Variants in RAB28 observed in about 807,000 individuals in gnomAD.
The protein encoded by RAB28 is ras-related protein Rab-28.
A neutral mutation model predicts 31.7 loss-of-function variants in RAB28; 24 were observed. The ratio of observed to expected loss-of-function variants is 0.76; its 90% CI spans 0.55 to 1.06. RAB28 has a LOEUF of 1.06. RAB28 is among the 50% of genes least tolerant of loss of function. The pLI is 0.00. For missense variants in RAB28, 254 were observed against 258.5 expected, an observed-to-expected ratio of 0.98 and a Z score of 0.12; for synonymous variants, 100 against 90.4, an observed-to-expected ratio of 1.11 and a Z score of -0.60.
In RAB28 at chr4:13,482,679, A is replaced by G. The variant is rs117985845; in HGVS notation, c.75+1397T>C. Among the ~76,000 whole-genome samples the G allele has an allele frequency of 1.9e-3, 289 of 152,348 alleles. 6 individuals are homozygous for G. In the East Asian group the frequency reaches 0.041, roughly 22 times the overall value. On this transcript the variant is annotated intron_variant, in intron 1 of 6. Coordinates refer to ENST00000330852, the MANE Select transcript of RAB28 (RefSeq NM_001017979.3). ...TTAATATACTTTATAAAGAAAAGTT[A>G]CCCCAAGTTCCTTTCTTCCCCCAAC...
Position 13,393,676 on chromosome 4 carries a change from G to A in RAB28, c.392-12082C>T, listed in dbSNP as rs190963758. On this transcript the variant is annotated intron_variant, in intron 4 of 6. Coordinates refer to ENST00000330852, the MANE Select transcript of RAB28 (RefSeq NM_001017979.3). ...GTTTTCTGATTATGACATTTTCTTC[G>A]GTTTACCCATCTTGTATGCATAATT... 1.8e-3 allele frequency among the ~76,000 whole-genome samples: 278 copies of A among 150,816 alleles called. 2 individuals carry two copies. The highest frequency in any genetic ancestry group is 2.2e-3 in the Non-Finnish European group (148 of 67,762).
At chr4:13,396,022 A>C (rs2079432599) in intron 4 of RAB28, among the ~76,000 whole-genome samples, 1 of 152,072 alleles carries the variant, frequency 6.6e-6, no homozygotes, top group Non-Finnish European at 1.5e-5. Flanking sequence ...GATGGAAAAA[A>C]AAATTAAAAT....
rs540997644 is a variant in RAB28 at position 13,379,113 on chromosome 4, G to A, written c.495+2378C>T. ...TCCCAGCTATTCGGGAGGCTGAGGC[G>A]GAGAATTGCTTTAACCCAGGAGGCG... On this transcript the variant is annotated intron_variant, in intron 5 of 6. Coordinates refer to ENST00000330852, the MANE Select transcript of RAB28 (RefSeq NM_001017979.3). Among the ~76,000 whole-genome samples the A allele has an allele frequency of 5.3e-5, 8 of 151,088 alleles. No individual in the cohort carries two copies. The East Asian group carries it at 7.8e-4, about 15-fold the overall frequency.
chr4:13,380,676 T>TA (rs971183854), intron 5 of RAB28, among the ~76,000 whole-genome samples: 18 of 152,198 alleles, frequency 1.2e-4, no homozygotes, highest in African/African-American at 4.3e-4. Flanking sequence ...ACAATGCTGG[T>TA]GATAGCATGA....
chr4:13,389,461 C>T (rs536821795), intron 4 of RAB28, among the ~76,000 whole-genome samples: 2 of 152,074 alleles, frequency 1.3e-5, no homozygotes, highest in South Asian at 4.1e-4. Flanking sequence ...GTTTTTTAAC[C>T]ACCATTTGAA....
intron 4 of RAB28, among the ~76,000 whole-genome samples, chr4:13,435,203 C>T (rs1038980616): frequency 3.3e-5 from 5 of 151,004 alleles, no homozygotes; most frequent in African/African-American, 1.2e-4. Context: ...ATAATATACC[C>T]AAACCTCTGG....
intron 4 of RAB28, among the ~76,000 whole-genome samples, chr4:13,384,507 G>A (rs551766470): frequency 1.3e-5 from 2 of 152,342 alleles, no homozygotes; most frequent in East Asian, 3.9e-4. Flanking sequence ...GGTCCCACCA[G>A]CACAGTGGGT....
intron 4 of RAB28, among the ~76,000 whole-genome samples, chr4:13,450,923 A>G (rs1714938102): frequency 6.6e-6 from 1 of 151,928 alleles, no homozygotes. Flanking sequence ...AAGCATGTGG[A>G]AGATGAAGTC....
chr4:13,378,708 C>G (rs1299484179), intron 5 of RAB28, among the ~76,000 whole-genome samples: 3 of 151,942 alleles, frequency 2.0e-5, no homozygotes, highest in African/African-American at 4.8e-5. Context: ...GAAGTTGGCC[C>G]TAGCTAGAAT....
At chr4:13,389,604 T>C (rs1729537777) in intron 4 of RAB28, among the ~76,000 whole-genome samples, 1 of 152,150 alleles carries the variant, frequency 6.6e-6, no homozygotes, top group Non-Finnish European at 1.5e-5. Context: ...CCTCAACAAT[T>C]GTCAAGTCAT....
intron 4 of RAB28, among the ~76,000 whole-genome samples, chr4:13,423,026 T>C (rs1168557740): frequency 6.6e-6 from 1 of 152,188 alleles, no homozygotes; most frequent in African/African-American, 2.4e-5. Flanking sequence ...AGGAAGTATT[T>C]AAAGTATAGT....
At chr4:13,484,009 G>A in intron 1 of RAB28, 67 bp downstream of exon 1, 3 of 1,437,046 alleles carry the variant, frequency 2.1e-6, no homozygotes, top group South Asian at 1.2e-5. Context: ...GCCGGGCGGC[G>A]GGGAGGAGGC....
intron 4 of RAB28, among the ~76,000 whole-genome samples, chr4:13,384,058 C>T (rs1021780248): frequency 1.3e-5 from 2 of 152,186 alleles, no homozygotes; most frequent in Non-Finnish European, 2.9e-5. Flanking sequence ...GCCTCCCTCG[C>T]CCCAGTGAAC....
chr4:13,393,648 T>C (rs1308022140), intron 4 of RAB28, among the ~76,000 whole-genome samples: 3 of 152,012 alleles, frequency 2.0e-5, no homozygotes, highest in Admixed American at 6.6e-5. Context: ...TACCCTCCTA[T>C]AGGTTTTCTG....
At chr4:13,383,872 A>G (rs956155858) in intron 4 of RAB28, among the ~76,000 whole-genome samples, 1 of 152,168 alleles carries the variant, frequency 6.6e-6, no homozygotes, top group African/African-American at 2.4e-5. Flanking sequence ...AGTCCTGCCT[A>G]TCACACAGGG....
chr4:13,463,523 A>G (rs1715699854), intron 3 of RAB28, among the ~76,000 whole-genome samples: 1 of 152,162 alleles, frequency 6.6e-6, no homozygotes, highest in Non-Finnish European at 1.5e-5. Flanking sequence ...GCTACAACAG[A>G]GACAACATGG....
chr4:13,476,164 A>G (rs1472463407), intron 2 of RAB28, among the ~76,000 whole-genome samples: 1 of 151,532 alleles, frequency 6.6e-6, no homozygotes, highest in Non-Finnish European at 1.5e-5. Flanking sequence ...TTCAGATCCT[A>G]TCTGAATTAG....
intron 3 of RAB28, among the ~76,000 whole-genome samples, chr4:13,469,806 A>G (rs963709723): frequency 6.6e-6 from 1 of 151,984 alleles, no homozygotes; most frequent in Non-Finnish European, 1.5e-5. Context: ...CTCCCATCTC[A>G]GCCTCTCTAG....
intron 4 of RAB28, among the ~76,000 whole-genome samples, chr4:13,406,182 T>A (rs1424366102): frequency 5.9e-5 from 9 of 152,104 alleles, no homozygotes; most frequent in Non-Finnish European, 1.2e-4. Flanking sequence ...CCCCGGTGTG[T>A]GATGTTCCCC....
Sources: allele counts gnomAD v4.1 joint callset (sites outside exome capture counted in the v4.1 genomes callset), GRCh38; gene constraint gnomAD v4.1.1; transcripts MANE v1.5; gene names NCBI Gene and HGNC (gene_info 2026-07-23, HGNC 2026-07-21).